Variants in HCRTR2 observed in about 807,000 individuals in gnomAD.
The protein encoded by HCRTR2 is hypocretin receptor 2.
Under a neutral mutation model 49.0 loss-of-function variants are expected in HCRTR2, and 22 were observed. The ratio of observed to expected loss-of-function variants is 0.45; its 90% confidence interval spans 0.32 to 0.64. HCRTR2 has a LOEUF of 0.64. Ranked by LOEUF, HCRTR2 falls within the 30% of genes least tolerant of loss-of-function variation. The pLI, the probability that HCRTR2 is intolerant of heterozygous loss-of-function variation, is 0.04. For missense variants in HCRTR2, 491 were observed against 559.4 expected, an observed-to-expected ratio of 0.88 and a Z score of 1.23; for synonymous variants, 236 against 205.3, an observed-to-expected ratio of 1.15 and a Z score of -1.28.
chr6:55,201,064 T>C (rs1207253268), intron 1 of HCRTR2, among the ~76,000 whole-genome samples: 4 of 152,094 alleles, frequency 2.6e-5, no homozygotes, highest in African/African-American at 9.7e-5. Context: ...GTTAAGCTGA[T>C]GAGAGTAGGA....
At chr6:55,236,906 G>A (rs1766224765) in intron 1 of HCRTR2, among the ~76,000 whole-genome samples, 1 of 151,898 alleles carries the variant, frequency 6.6e-6, no homozygotes. Flanking sequence ...GATTGCTTTT[G>A]TCTCATGCTA....
intron 1 of HCRTR2, among the ~76,000 whole-genome samples, chr6:55,227,440 T>C (rs575119850): frequency 4.0e-4 from 61 of 152,316 alleles, no homozygotes; most frequent in African/African-American, 1.4e-3. Flanking sequence ...GGTGTATGTG[T>C]GTGTGTGTGT....
At chr6:55,276,195 A>C (rs1581873277) in intron 4 of HCRTR2, among the ~76,000 whole-genome samples, 1 of 152,224 alleles carries the variant, frequency 6.6e-6, no homozygotes, top group African/African-American at 2.4e-5. Flanking sequence ...CAAGACATAC[A>C]GAGTGAGAAG....
rs559531347 is a variant in HCRTR2 at position 55,230,695 on chromosome 6, T to TA, written c.224-17940dup. On this transcript the variant is annotated intron_variant, in intron 1 of 6. Coordinates refer to ENST00000370862, the MANE Select transcript of HCRTR2 (RefSeq NM_001384272.1). ...TTGTACGAAATGGATAATCACATTT[T>TA]AAAACATGTGTAAGGCATATTTGCA... Among the ~76,000 whole-genome samples the TA allele has an allele frequency of 3.4e-3, 521 of 152,158 alleles. 1 individual carries two copies. Among genetic ancestry groups the TA allele is most frequent in the African/African-American group, 0.012 (505 of 41,592 alleles).
At chr6:55,230,882 G>C (rs1766102109) in intron 1 of HCRTR2, among the ~76,000 whole-genome samples, 1 of 150,228 alleles carries the variant, frequency 6.7e-6, no homozygotes, top group African/African-American at 2.5e-5. Flanking sequence ...TAGCCAATAA[G>C]ACCAAGGTTC....
intron 1 of HCRTR2, among the ~76,000 whole-genome samples, chr6:55,248,322 A>G (rs1293802081): frequency 6.6e-6 from 1 of 152,094 alleles, no homozygotes; most frequent in Non-Finnish European, 1.5e-5. Flanking sequence ...AGACTCTACT[A>G]CATATTGAGT....
chr6:55,126,426 A>G (rs917769215), intron 1 of HCRTR2, among the ~76,000 whole-genome samples: 1 of 152,156 alleles, frequency 6.6e-6, no homozygotes, highest in African/African-American at 2.4e-5. Flanking sequence ...GTATCACCAG[A>G]GGAGGCTGTA....
upstream of HCRTR2, among the ~76,000 whole-genome samples, chr6:55,173,413 C>T (rs1450684198): frequency 6.6e-6 from 1 of 152,052 alleles, no homozygotes; most frequent in East Asian, 1.9e-4. Context: ...TTCCCAAGTG[C>T]AAGATTGTAA....
intron 1 of HCRTR2, among the ~76,000 whole-genome samples, chr6:55,150,530 T>C (rs1764651344): frequency 6.6e-6 from 1 of 152,010 alleles, no homozygotes; most frequent in South Asian, 2.1e-4. Context: ...ACTTCTGTTC[T>C]ACTCTCTGCT....
chr6:55,182,373 C>T lies in HCRTR2; in HGVS notation c.223+7563C>T, dbSNP rs191903402. On this transcript the variant is annotated intron_variant, in intron 1 of 6. Coordinates refer to ENST00000370862, the MANE Select transcript of HCRTR2 (RefSeq NM_001384272.1). ...AAGATTACATAACAGGAGCTTACAG[C>T]TTCTGGCTCAAGTACCCACTTTCTC... Among the ~76,000 whole-genome samples, 4 of 152,240 alleles carry T rather than the reference C, an allele frequency of 2.6e-5. 1 individual carries two copies. Among genetic ancestry groups the T allele is most frequent in the African/African-American group, 9.6e-5 (4 of 41,466 alleles).
intron 4 of HCRTR2, among the ~76,000 whole-genome samples, chr6:55,275,562 T>C (rs1052751583): frequency 1.3e-5 from 2 of 152,104 alleles, no homozygotes; most frequent in Non-Finnish European, 2.9e-5. Flanking sequence ...CTACATTTTT[T>C]TTTTCCCGAT....
At chr6:55,195,304 A>C (rs899348818) in intron 1 of HCRTR2, among the ~76,000 whole-genome samples, 3 of 152,200 alleles carry the variant, frequency 2.0e-5, no homozygotes, top group African/African-American at 7.2e-5. Flanking sequence ...GAGGACTGAC[A>C]AAGTTTTAAA....
chr6:55,137,956 C>T (rs907597477), intron 1 of HCRTR2, among the ~76,000 whole-genome samples: 1 of 152,182 alleles, frequency 6.6e-6, no homozygotes, highest in Non-Finnish European at 1.5e-5. Context: ...CTTTAGCCTT[C>T]AGTTTCTTCA....
chr6:55,202,629 G>A (rs1379298030), intron 1 of HCRTR2, among the ~76,000 whole-genome samples: 2 of 152,070 alleles, frequency 1.3e-5, no homozygotes, highest in African/African-American at 4.8e-5. Context: ...GATAGAAGGG[G>A]CAAAGGAGCT....
intron 1 of HCRTR2, among the ~76,000 whole-genome samples, chr6:55,233,687 CCTGTCT>C (rs1766160252): frequency 6.9e-6 from 1 of 145,380 alleles, no homozygotes; most frequent in Non-Finnish European, 1.5e-5. Flanking sequence ...AGAGCAAGAC[CCTGTCT>C]CTAAAGAATA....
At chr6:55,187,409 C>A in intron 1 of HCRTR2, among the ~76,000 whole-genome samples, 1 of 51,232 alleles carries the variant, frequency 2.0e-5, no homozygotes, top group East Asian at 6.4e-4. Context: ...GAGACTCCGT[C>A]TCAAAAAAAA....
At chr6:55,245,994 G>T (rs1178271133) in intron 1 of HCRTR2, among the ~76,000 whole-genome samples, 1 of 151,996 alleles carries the variant, frequency 6.6e-6, no homozygotes, top group Non-Finnish European at 1.5e-5. Context: ...GGATCCTTAT[G>T]AGATGATGGC....
At chr6:55,143,057 A>T (rs1764531190) in intron 1 of HCRTR2, among the ~76,000 whole-genome samples, 1 of 148,922 alleles carries the variant, frequency 6.7e-6, no homozygotes, top group South Asian at 2.1e-4. Flanking sequence ...CATTATATAT[A>T]AAAATAACTA....
At chr6:55,114,878 C>G (rs1170003718) in intron 1 of HCRTR2, among the ~76,000 whole-genome samples, 2 of 151,682 alleles carry the variant, frequency 1.3e-5, no homozygotes, top group Non-Finnish European at 3.0e-5. Context: ...GTGCAGCACT[C>G]AAGTCTAAGT....
Sources: allele counts gnomAD v4.1 joint callset (sites outside exome capture counted in the v4.1 genomes callset), GRCh38; gene constraint gnomAD v4.1.1; transcripts MANE v1.5; gene names NCBI Gene and HGNC (gene_info 2026-07-23, HGNC 2026-07-21).